WDPCP: variants seen among roughly 807,000 people sequenced by gnomAD.
The protein encoded by WDPCP is WD repeat-containing and planar cell polarity effector protein fritz homolog.
In WDPCP, 71 loss-of-function variants were observed where a neutral mutation model predicts 93.1. That is an observed-to-expected ratio of 0.76 (90% confidence interval 0.63 to 0.93). The LOEUF is 0.93. Ranked by LOEUF, WDPCP falls within the 40% of genes least tolerant of loss-of-function variation. The pLI, the probability that WDPCP is intolerant of heterozygous loss-of-function variation, is 0.00. For missense variants in WDPCP, 844 were observed against 887.4 expected, an observed-to-expected ratio of 0.95 and a Z score of 0.62; for synonymous variants, 315 against 315.0, an observed-to-expected ratio of 1.00 and a Z score of 0.00.
At chr2:63,835,940 C>T in the WDPCP span, among the ~76,000 whole-genome samples, 3 of 152,218 alleles carry the variant, frequency 2.0e-5, no homozygotes, top group Admixed American at 1.3e-4. Context: ...CTGCAAACTC[C>T]GCCTCCCATG....
At chr2:63,739,692 T>C (rs1210201634) in intron 2 of WDPCP, among the ~76,000 whole-genome samples, 1 of 152,056 alleles carries the variant, frequency 6.6e-6, no homozygotes, top group Non-Finnish European at 1.5e-5. Flanking sequence ...TTTACACTTC[T>C]ACCAACAGTG....
rs149262651 is a variant in WDPCP at position 63,600,801 on chromosome 2, G to A, written n.488+49858C>T. Among the ~76,000 whole-genome samples the A allele has an allele frequency of 6.7e-3, 1,022 of 152,252 alleles. 8 individuals carry two copies. The highest frequency in any genetic ancestry group is 9.6e-3 in the Non-Finnish European group (652 of 68,004). ...CGAATAGGAGTTTGTTTGAATGGCA[G>A]GCAGTTTGAGTTCTGTGGGACAGTT... On this transcript the variant is annotated intron_variant and non_coding_transcript_variant, in intron 3 of 4. Coordinates refer to the WDPCP transcript ENST00000467687.
chr2:63,503,600 C>A (rs538278943), intron 1 of WDPCP, among the ~76,000 whole-genome samples: 14 of 152,060 alleles, frequency 9.2e-5, no homozygotes, highest in African/African-American at 3.4e-4. Flanking sequence ...TTAGGATGTA[C>A]CTCAACCACA....
intron 2 of WDPCP, among the ~76,000 whole-genome samples, chr2:63,810,954 G>C (rs957385757): frequency 2.6e-5 from 4 of 152,224 alleles, no homozygotes; most frequent in Non-Finnish European, 5.9e-5. Context: ...TAGGACAATT[G>C]TAAGAAAATA....
chr2:63,718,367 C>T (rs1669367816), intron 2 of WDPCP, among the ~76,000 whole-genome samples: 1 of 152,092 alleles, frequency 6.6e-6, no homozygotes, highest in Non-Finnish European at 1.5e-5. Flanking sequence ...AATTTATGTT[C>T]TTACCAACAA....
Position 63,209,188 on chromosome 2 carries a change from T to A in WDPCP, c.1916-34356A>T, listed in dbSNP as rs561027366. ...GGGGTGCCTCTAATTATTTTACTTT[T>A]TGTAACTGTAGAATTGCATAACACT... On this transcript the variant is annotated intron_variant, in intron 14 of 17. Coordinates refer to ENST00000272321, the MANE Select transcript of WDPCP (RefSeq NM_015910.7). Among the ~76,000 whole-genome samples the A allele has an allele frequency of 2.0e-5, 3 of 152,348 alleles. No homozygotes were observed. In the East Asian group the frequency reaches 5.8e-4, roughly 29 times the overall value.
chr2:63,454,290 G>A (rs1227181853), intron 6 of WDPCP, among the ~76,000 whole-genome samples: 2 of 151,736 alleles, frequency 1.3e-5, no homozygotes, highest in Non-Finnish European at 2.9e-5. Context: ...TCACTCATAA[G>A]TGGGCATTGA....
chr2:63,703,809 T>G (rs1215205638), intron 2 of WDPCP, among the ~76,000 whole-genome samples: 1 of 152,180 alleles, frequency 6.6e-6, no homozygotes, highest in East Asian at 1.9e-4. Flanking sequence ...ATATGAACAT[T>G]AAAGTAGTTT....
intron 2 of WDPCP, among the ~76,000 whole-genome samples, chr2:63,747,286 T>C (rs1669814034): frequency 6.6e-6 from 1 of 152,200 alleles, no homozygotes; most frequent in Non-Finnish European, 1.5e-5. Context: ...TCTAAAATTC[T>C]TAATTTTAAT....
intron 3 of WDPCP, among the ~76,000 whole-genome samples, chr2:63,621,540 T>TA (rs1469722585): frequency 2.0e-5 from 3 of 152,092 alleles, no homozygotes; most frequent in Non-Finnish European, 4.4e-5. Flanking sequence ...TGACTAAACT[T>TA]ACGTTTGATT....
rs186251877 is a variant in WDPCP at position 63,495,633 on chromosome 2, T to C, written c.76-2693A>G. Among the ~76,000 whole-genome samples the C allele has an allele frequency of 3.9e-4, 59 of 152,320 alleles. No homozygotes were observed. The East Asian group carries it at 0.01, about 26-fold the overall frequency. The stretch of plus-strand genomic sequence containing the variant: ...AGCTTAGTAGCTAACTTGGACTAAT[T>C]ACCTAACTTCTCTATTTCTAAGAGT... On this transcript the variant is annotated intron_variant, in intron 1 of 17. Transcript: ENST00000272321.
At chr2:63,793,018 T>C (rs533982718) in intron 2 of WDPCP, among the ~76,000 whole-genome samples, 11 of 152,304 alleles carry the variant, frequency 7.2e-5, no homozygotes, top group African/African-American at 1.4e-4. Flanking sequence ...CTTCTTAATT[T>C]TGAAATGTAA....
chr2:63,501,905 C>T (rs1238648590), intron 1 of WDPCP, among the ~76,000 whole-genome samples: 1 of 152,132 alleles, frequency 6.6e-6, no homozygotes, highest in Non-Finnish European at 1.5e-5. Context: ...TGTGAGCCAC[C>T]GTGCCTGACT....
intron 1 of WDPCP, among the ~76,000 whole-genome samples, chr2:63,565,892 G>T (rs903545147): frequency 2.6e-5 from 4 of 152,202 alleles, no homozygotes; most frequent in African/African-American, 9.6e-5. Context: ...CCATCGCCCA[G>T]TCCTGTCTAT....
intron 13 of WDPCP, among the ~76,000 whole-genome samples, chr2:63,273,374 C>A (rs1682807554): frequency 6.6e-6 from 1 of 150,698 alleles, no homozygotes; most frequent in South Asian, 2.1e-4. Context: ...AGAATCCCAG[C>A]AAACTACAAT....
chr2:63,344,007 A>G (rs575271625), intron 12 of WDPCP, among the ~76,000 whole-genome samples: 1 of 151,970 alleles, frequency 6.6e-6, no homozygotes, highest in East Asian at 1.9e-4. Flanking sequence ...TTGTCTAGTA[A>G]TTTCAATGTC....
chr2:63,321,721 T>C (rs7599736), intron 12 of WDPCP, among the ~76,000 whole-genome samples: 122,163 of 152,046 alleles, frequency 0.8, 50,006 homozygotes, highest in East Asian at 0.97. Flanking sequence ...CAGTATATAA[T>C]AATCCCTGCT....
chr2:63,271,227 C>T (rs551916627), intron 13 of WDPCP, among the ~76,000 whole-genome samples: 1 of 152,326 alleles, frequency 6.6e-6, no homozygotes, highest in East Asian at 1.9e-4. Flanking sequence ...CTGACAGCAG[C>T]CCTTCCTTGC....
chr2:63,510,086 C>G (rs531436644), intron 1 of WDPCP, among the ~76,000 whole-genome samples: 4 of 152,250 alleles, frequency 2.6e-5, no homozygotes, highest in Non-Finnish European at 4.4e-5. Flanking sequence ...TTTTATGAGG[C>G]CAGCATCATC....
Sources: allele counts gnomAD v4.1 joint callset (sites outside exome capture counted in the v4.1 genomes callset), GRCh38; gene constraint gnomAD v4.1.1; transcripts MANE v1.5; gene names NCBI Gene and HGNC (gene_info 2026-07-23, HGNC 2026-07-21).